Variants in STK33 observed in about 807,000 individuals in gnomAD.
STK33 encodes serine/threonine-protein kinase 33.
STK33 carries 52 observed loss-of-function variants against 58.0 expected under a neutral mutation model. The observed-to-expected ratio is 0.90, with a 90% CI of 0.72 to 1.13. STK33 has a LOEUF of 1.13. Ranked by LOEUF, STK33 falls within the 50% of genes most tolerant of loss-of-function variation. The pLI, the probability that STK33 is intolerant of heterozygous loss-of-function variation, is 0.00. For missense variants in STK33, 630 were observed against 604.2 expected (o/e 1.04, Z -0.45); for synonymous variants, 215 against 200.1 (o/e 1.07, Z -0.63).
intron 2 of STK33, among the ~76,000 whole-genome samples, chr11:8,479,941 T>C (rs1949658619): frequency 1.3e-5 from 2 of 152,198 alleles, no homozygotes; most frequent in South Asian, 2.1e-4. Context: ...ATGAAAATTT[T>C]TGAGTGTTGA....
the STK33 span, among the ~76,000 whole-genome samples, chr11:8,348,449 G>A: frequency 7.2e-5 from 11 of 152,264 alleles, no homozygotes; most frequent in East Asian, 9.6e-4. Flanking sequence ...TCAGGATCTC[G>A]TGAGAACTCA....
Position 8,457,440 on chromosome 11 carries a change from G to C in STK33, c.598C>G (p.Leu200Val), listed in dbSNP as rs1947002376. ...CCTTTCCTATCCAGAATTTCTTTGAGTTCTCCATCCTCACAAAGCTCCATC... is the reference window on the plus strand; with the variant it reads ...CCTTTCCTATCCAGAATTTCTTTGACTTCTCCATCCTCACAAAGCTCCATC... ...LVMELCEDGE[L>V]KEILDRKGHF... Residue 200 changes from leucine (L) to valine (V), a missense_variant, in exon 9 of 16, where the codon CTC becomes GTC. By Grantham distance (32) the Leu-to-Val change is conservative. Transcript: ENST00000687296. The C allele has an allele frequency of 6.2e-7, 1 of 1,604,738 alleles. No individual in the cohort carries two copies. The highest frequency in any genetic ancestry group is 1.3e-5 in the African/African-American group (1 of 74,912).
intron 6 of STK33, among the ~76,000 whole-genome samples, chr11:8,468,252 A>G (rs1173315240): frequency 6.6e-6 from 1 of 152,176 alleles, no homozygotes; most frequent in Non-Finnish European, 1.5e-5. Flanking sequence ...AGTCACTATC[A>G]TGAGAACATG....
chr11:8,448,529 C>A (rs149220587), intron 11 of STK33, among the ~76,000 whole-genome samples: 8 of 152,162 alleles, frequency 5.3e-5, no homozygotes, highest in African/African-American at 1.4e-4. Context: ...ACAAGAAATG[C>A]GGAAACGATT....
At chr11:8,474,326 T>C (rs529598266) in intron 5 of STK33, among the ~76,000 whole-genome samples, 2 of 152,190 alleles carry the variant, frequency 1.3e-5, no homozygotes, top group African/African-American at 2.4e-5. Context: ...TACCCTTTAC[T>C]TAACCACAAC....
chr11:8,449,942 T>C (rs1946061045), intron 11 of STK33, among the ~76,000 whole-genome samples: 1 of 152,214 alleles, frequency 6.6e-6, no homozygotes, highest in South Asian at 2.1e-4. Flanking sequence ...GGAATGCTTT[T>C]ACACCGTTGG....
At chr11:8,515,780 C>T (rs968496211) in intron 1 of STK33, among the ~76,000 whole-genome samples, 17 of 152,112 alleles carry the variant, frequency 1.1e-4, no homozygotes, top group African/African-American at 3.1e-4. Flanking sequence ...TAAAATTCAA[C>T]ACTTTTTCAT....
At chr11:8,456,474 T>C (rs1176806464) in intron 9 of STK33, among the ~76,000 whole-genome samples, 1 of 152,206 alleles carries the variant, frequency 6.6e-6, no homozygotes, top group East Asian at 1.9e-4. Flanking sequence ...TTAATCTTTG[T>C]AATCTAGGAC....
At chr11:8,339,561 G>A in the STK33 span, among the ~76,000 whole-genome samples, 2 of 152,190 alleles carry the variant, frequency 1.3e-5, no homozygotes, top group Non-Finnish European at 1.5e-5. Flanking sequence ...GGTGCAGGGC[G>A]GCGCACAGAG....
chr11:8,553,203 A>ATATATATATATATATATATGGTG (rs1956467282), intron 1 of STK33, among the ~76,000 whole-genome samples: 39 of 72,900 alleles, frequency 5.3e-4, no homozygotes, highest in African/African-American at 1.5e-3. Flanking sequence ...TATATGGTGT[A>ATATATATATATATATATATGGTG]TATATATATA....
chr11:8,551,150 G>T (rs113722873), intron 1 of STK33, among the ~76,000 whole-genome samples: 9 of 151,448 alleles, frequency 5.9e-5, no homozygotes, highest in African/African-American at 1.9e-4. Context: ...TTTTTTTGGA[G>T]ACAGAGTCTT....
At chr11:8,341,796 T>G in the STK33 span, among the ~76,000 whole-genome samples, 29 of 152,372 alleles carry the variant, frequency 1.9e-4, no homozygotes, top group African/African-American at 5.5e-4. Flanking sequence ...AGAGATTGTT[T>G]CCTTGCCTGG....
chr11:8,390,452 G>T (rs1848604684), downstream of STK33, among the ~76,000 whole-genome samples: 2 of 152,046 alleles, frequency 1.3e-5, no homozygotes, highest in Admixed American at 1.3e-4. Flanking sequence ...AGCAAATGGA[G>T]GAAGGAAGGC....
chr11:8,341,664 C>G, the STK33 span, among the ~76,000 whole-genome samples: 3 of 152,190 alleles, frequency 2.0e-5, no homozygotes, highest in Non-Finnish European at 4.4e-5. Context: ...CCTGGGAGGA[C>G]TTTGTGGGGA....
chr11:8,377,778 A>C, the STK33 span, among the ~76,000 whole-genome samples: 1 of 152,240 alleles, frequency 6.6e-6, no homozygotes, highest in African/African-American at 2.4e-5. Flanking sequence ...CAGGTAATAA[A>C]ATCAATGTAC....
Position 8,449,347 on chromosome 11 carries a change from G to A in STK33, c.871+3475C>T, listed in dbSNP as rs569567877. Reference sequence around the variant, plus strand: ...ACACATGCACACATATGTTTACTGCGGCACTATTCACAATAGCAAAGACTT... The same window carrying A: ...ACACATGCACACATATGTTTACTGCAGCACTATTCACAATAGCAAAGACTT... On this transcript the variant is annotated intron_variant, in intron 11 of 15. Coordinates refer to ENST00000687296, the MANE Select transcript of STK33 (RefSeq NM_001352389.2). Among the ~76,000 whole-genome samples, 59 of 151,606 alleles carry A rather than the reference G, an allele frequency of 3.9e-4. 3 individuals carry two copies. Among genetic ancestry groups the A allele is most frequent in the African/African-American group, 1.3e-3 (55 of 40,966 alleles).
At chr11:8,337,830 C>T in the STK33 span, among the ~76,000 whole-genome samples, 1 of 152,140 alleles carries the variant, frequency 6.6e-6, no homozygotes, top group Admixed American at 6.6e-5. Flanking sequence ...ACATAGAAAG[C>T]TCTTCCCCCA....
intron 1 of STK33, among the ~76,000 whole-genome samples, chr11:8,521,600 G>A (rs1047228276): frequency 5.3e-5 from 8 of 152,038 alleles, no homozygotes; most frequent in Non-Finnish European, 1.0e-4. Flanking sequence ...CAAAAGCAAT[G>A]GCAACAAAAG....
At position 8,572,117 on chromosome 11, in the gene STK33, G is replaced by A. The variant is rs1957871459; in HGVS notation, c.-466+21966C>T. ...AAGGCTCGTGTTGGGGGTGGGAGAGGAAGGAAAACAGCCTTGCAAGAAAAA... is the reference window on the plus strand; with the variant it reads ...AAGGCTCGTGTTGGGGGTGGGAGAGAAAGGAAAACAGCCTTGCAAGAAAAA... On this transcript the variant is annotated intron_variant, in intron 1 of 15. Coordinates refer to ENST00000687296, the MANE Select transcript of STK33 (RefSeq NM_001352389.2). Among the ~76,000 whole-genome samples, 3 of 151,238 alleles carry A rather than the reference G, an allele frequency of 2.0e-5. No homozygotes were observed. In the South Asian group the frequency reaches 6.3e-4, roughly 32 times the overall value.
Sources: gnomAD v4.1 joint callset for allele counts (sites outside exome capture counted in the v4.1 genomes callset) on GRCh38, gnomAD v4.1.1 for gene constraint, MANE v1.5 for transcripts, NCBI Gene and HGNC (gene_info 2026-07-23, HGNC 2026-07-21) for gene names.